The following RIOX2 variants were observed in gnomAD, a reference collection of about 807,000 sequenced individuals.
RIOX2 encodes ribosomal oxygenase 2, also known as 60S ribosomal protein L27a histidine hydroxylase.
A neutral mutation model predicts 51.2 loss-of-function variants in RIOX2; 43 were observed. The ratio of observed to expected loss-of-function variants is 0.84; its 90% CI spans 0.66 to 1.08. The LOEUF is 1.08. Ranked by LOEUF, RIOX2 falls within the 50% of genes least tolerant of loss-of-function variation. RIOX2 has a pLI of 0.00. For missense variants in RIOX2, 566 were observed against 561.7 expected (o/e 1.01, Z -0.08); for synonymous variants, 226 against 218.5 (o/e 1.03, Z -0.30).
chr3:97,943,508 G>A lies in RIOX2; in HGVS notation c.*1676C>T, dbSNP rs2040279622. ...CTCAAAATATTCTTGCCATTACTCAGTGTTCCTATAAAGAAAATATTATGA... is the reference window on the plus strand; with the variant it reads ...CTCAAAATATTCTTGCCATTACTCAATGTTCCTATAAAGAAAATATTATGA... On this transcript the variant is annotated 3_prime_UTR_variant, in exon 10 of 10. Transcript: ENST00000394198. 3.8e-6 allele frequency: 2 copies of A among 531,394 alleles called. No homozygotes were observed. Among genetic ancestry groups the A allele is most frequent in the South Asian group, 2.6e-5 (1 of 38,810 alleles). 32.9% of individuals were successfully genotyped at this position (531,394 alleles called of 1,614,324 possible).
chr3:97,947,789 T>G (rs2040399534), intron 7 of RIOX2, among the ~76,000 whole-genome samples: 1 of 152,208 alleles, frequency 6.6e-6, no homozygotes, highest in Admixed American at 6.5e-5. Context: ...TCCTCCAGGT[T>G]CTGTCCTCTA....
intron 1 of RIOX2, among the ~76,000 whole-genome samples, chr3:97,971,208 C>T (rs906476981): frequency 2.0e-5 from 3 of 152,338 alleles, no homozygotes; most frequent in Admixed American, 2.0e-4. Context: ...TGAATTTCTA[C>T]ATCCCCTGGG....
Position 97,967,395 on chromosome 3 carries a change from G to A in RIOX2, c.199C>T (p.Gln67Ter). 6.2e-7 allele frequency: 1 copy of A among 1,614,110 alleles called. No individual in the cohort carries two copies. Residue 67 changes from glutamine (Q) to a stop codon, truncating the protein, a stop_gained, in exon 2 of 10, where the codon CAG becomes TAG. Coordinates refer to ENST00000394198, the MANE Select transcript of RIOX2 (RefSeq NM_153182.4). LOFTEE classifies it high-confidence loss of function. ...GTGGCCAGTGCAGGGTCATCTCTCT[G>A]AATGAGAAGGGGCTTCTGCTCCCAG... ...EFWEQKPLLIQRDDPALATYY... is the reference protein window; with the variant it reads ...EFWEQKPLLI
rs1261633945 is a variant in RIOX2 at position 97,945,152 on chromosome 3, T to C, written c.*32A>G. 3.8e-6 allele frequency: 6 copies of C among 1,574,270 alleles called. No individual in the cohort carries two copies. The East Asian group carries it at 6.8e-5, about 18-fold the overall frequency. ...TTGCTTTTCTTTTAATATATGCATA[T>C]AAAATAGTAGGCATTTGATTCTGCA... On this transcript the variant is annotated 3_prime_UTR_variant, in exon 10 of 10. Transcript: ENST00000394198.
Position 97,961,492 on chromosome 3 carries a change from C to T in RIOX2, c.552+97G>A. ...AAAGAGCGAATACAGACCTAAGAGC[C>T]TTAGAGAATAATGTGAACTCACCCT... On this transcript the variant is annotated intron_variant, in intron 3 of 9. Coordinates refer to ENST00000394198, the MANE Select transcript of RIOX2 (RefSeq NM_153182.4). The T allele has an allele frequency of 1.5e-6, 2 of 1,353,922 alleles. 1 individual carries two copies. The highest frequency in any genetic ancestry group is 2.0e-6 in the Non-Finnish European group (2 of 1,002,106). 83.9% of individuals were successfully genotyped at this position (1,353,922 alleles called of 1,614,324 possible).
Position 97,942,257 on chromosome 3 carries a change from C to G in RIOX2, c.*2927G>C. 1 of 1,571,312 alleles carries G rather than the reference C, an allele frequency of 6.4e-7. No individual in the cohort carries two copies. The highest frequency in any genetic ancestry group is 8.7e-7 in the Non-Finnish European group (1 of 1,153,458). The stretch of plus-strand genomic sequence containing the variant: ...CTTACTTTAGCAAACATACTACTGC[C>G]AATTAATCATTTCTTAACCCTTTTA... On this transcript the variant is annotated 3_prime_UTR_variant, in exon 10 of 10. Transcript: ENST00000394198.
At chr3:97,956,000 G>A (rs896422203) in intron 4 of RIOX2, among the ~76,000 whole-genome samples, 2 of 152,156 alleles carry the variant, frequency 1.3e-5, no homozygotes, top group Non-Finnish European at 2.9e-5. Context: ...AAGTTACTCT[G>A]GGTGAGCCCG....
At chr3:97,947,479 C>A (rs377163541) in intron 7 of RIOX2, 30 bp from the exon 8 acceptor site, 229 of 1,583,710 alleles carry the variant, frequency 1.4e-4, no homozygotes, top group Non-Finnish European at 1.9e-4. Flanking sequence ...GAAAGCCGAC[C>A]TTCAAAAAAG....
chr3:97,947,027 G>A (rs2040383157), intron 8 of RIOX2, among the ~76,000 whole-genome samples: 1 of 152,048 alleles, frequency 6.6e-6, no homozygotes, highest in Admixed American at 6.6e-5. Context: ...ATATAGATCT[G>A]CACAGTGTGG....
intron 1 of RIOX2, 102 bp from the exon 2 acceptor site, chr3:97,967,734 G>T: frequency 1.3e-6 from 1 of 787,064 alleles, no homozygotes; most frequent in Non-Finnish European, 1.9e-6. Flanking sequence ...TTACACCTTC[G>T]TGAGAACTCT....
At position 97,954,502 on chromosome 3, in the gene RIOX2, G is replaced by A. The variant is rs1351129041; in HGVS notation, c.682-7C>T. The A allele has an allele frequency of 1.2e-6, 2 of 1,609,730 alleles. No individual in the cohort carries two copies. The highest frequency in any genetic ancestry group is 1.7e-6 in the Non-Finnish European group (2 of 1,176,302). On this transcript the variant is annotated splice_region_variant and splice_polypyrimidine_tract_variant and intron_variant, in intron 4 of 9. Coordinates refer to ENST00000394198, the MANE Select transcript of RIOX2 (RefSeq NM_153182.4). Reference sequence around the variant, plus strand: ...AGTACAACAAATCACCCGGCTAAAGGAAGGAATAGGAAAGGGTAGAGAAGT... The same window carrying A: ...AGTACAACAAATCACCCGGCTAAAGAAAGGAATAGGAAAGGGTAGAGAAGT...
At chr3:97,947,219 T>C in intron 8 of RIOX2, 142 bp downstream of exon 8, 1 of 659,988 alleles carries the variant, frequency 1.5e-6, no homozygotes, top group Non-Finnish European at 2.7e-6. Flanking sequence ...TTGGTCATCA[T>C]CTGACCTGAA....
At chr3:97,959,306 G>GTTTTTT (rs67345115) in intron 3 of RIOX2, 127 bp from the exon 4 acceptor site, 12 of 237,400 alleles carry the variant, frequency 5.1e-5, no homozygotes, top group African/African-American at 1.3e-4. Flanking sequence ...AACAACACAG[G>GTTTTTT]TTTTTTTTTT....
chr3:97,961,740 C>A, intron 2 of RIOX2, 32 bp from the exon 3 acceptor site: 2 of 1,555,760 alleles, frequency 1.3e-6, no homozygotes, highest in Non-Finnish European at 1.7e-6. Flanking sequence ...AAAGGGTCGG[C>A]GTGGGGGAGT....
chr3:97,949,006 G>A (rs751221656), intron 7 of RIOX2, among the ~76,000 whole-genome samples: 28 of 152,118 alleles, frequency 1.8e-4, no homozygotes, highest in South Asian at 2.1e-4. Context: ...CTGTGCCTTG[G>A]AGAAGGTTGA....
chr3:97,958,753 G>C (rs910676639), intron 4 of RIOX2, among the ~76,000 whole-genome samples: 1 of 152,178 alleles, frequency 6.6e-6, no homozygotes, highest in Non-Finnish European at 1.5e-5. Flanking sequence ...AGAGGAGTCA[G>C]TGGTTCACTG....
intron 1 of RIOX2, chr3:97,971,841 C>G (rs1040144975): frequency 6.6e-6 from 1 of 152,320 alleles, no homozygotes; most frequent in Non-Finnish European, 1.5e-5. Context: ...GTCGGCCAAT[C>G]GTTGCGGAAT....
rs1179706000 is a variant in RIOX2 at position 97,949,868 on chromosome 3, C to A, written c.1036G>T (p.Asp346Tyr). 6.2e-7 allele frequency: 1 copy of A among 1,613,706 alleles called. No individual in the cohort carries two copies. The highest frequency in any genetic ancestry group is 1.3e-5 in the African/African-American group (1 of 74,886). ...MHRLPPYSAG[D>Y]GAELSTPGGK... ...CCTGGTGTTGACAGCTCTGCCCCAT[C>A]TCCCGCAGAGTAAGGGGGGAGTCTG... Residue 346 changes from aspartate (D) to tyrosine (Y), a missense_variant, in exon 7 of 10, where the codon GAT becomes TAT. Physicochemically the swap from Asp to Tyr is radical, Grantham distance 160. Transcript: ENST00000394198.
intron 1 of RIOX2, among the ~76,000 whole-genome samples, chr3:97,970,434 C>A (rs1479036102): frequency 6.6e-6 from 1 of 152,200 alleles, no homozygotes; most frequent in Non-Finnish European, 1.5e-5. Context: ...GACAACCATT[C>A]CTCTTAACAG....
Sources: gnomAD v4.1 joint callset for allele counts (sites outside exome capture counted in the v4.1 genomes callset) on GRCh38, gnomAD v4.1.1 for gene constraint, MANE v1.5 for transcripts, NCBI Gene and HGNC (gene_info 2026-07-23, HGNC 2026-07-21) for gene names.